The following MIDEAS variants were observed in gnomAD, a reference collection of about 807,000 sequenced individuals.
The protein encoded by MIDEAS is mitotic deacetylase associated SANT domain protein, also known as mitotic deacetylase-associated SANT domain protein.
A neutral mutation model predicts 102.7 loss-of-function variants in MIDEAS; 26 were observed. The observed-to-expected ratio is 0.25, with a 90% confidence interval of 0.19 to 0.35. The LOEUF (loss-of-function observed/expected upper bound fraction) is 0.35, where lower values mean the gene tolerates loss of function less well. Ranked by LOEUF, MIDEAS falls within the 10% of genes least tolerant of loss-of-function variation. The pLI, the probability that MIDEAS is intolerant of heterozygous loss-of-function variation, is 1.00. For synonymous variants in MIDEAS, 585 were observed against 591.0 expected, an observed-to-expected ratio of 0.99 and a Z score of 0.15; for missense variants, 1,231 against 1,435.6, an observed-to-expected ratio of 0.86 and a Z score of 2.30.
chr14:73,755,516 CAG>C (rs545900562), intron 1 of MIDEAS, among the ~76,000 whole-genome samples: 285 of 152,350 alleles, frequency 1.9e-3, no homozygotes, highest in Admixed American at 5.8e-3. Context: ...GTGAAGCAAA[CAG>C]GGGACTTTTT....
chr14:73,786,106 C>G (rs1427188040), intron 1 of MIDEAS, among the ~76,000 whole-genome samples: 1 of 152,220 alleles, frequency 6.6e-6, no homozygotes, highest in African/African-American at 2.4e-5. Flanking sequence ...TCTAGGACAC[C>G]CCATCTCGAG....
At chr14:73,726,140 C>CT (rs762576925) in intron 7 of MIDEAS, 32 bp from the exon 8 acceptor site, 1 of 1,544,272 alleles carries the variant, frequency 6.5e-7, no homozygotes, top group Non-Finnish European at 8.8e-7. Flanking sequence ...GGTCAGGGCA[C>CT]TGACAGGGGT....
At chr14:73,721,168 G>GTACTTCAC in intron 11 of MIDEAS, 129 bp downstream of exon 11, 2 of 861,180 alleles carry the variant, frequency 2.3e-6, no homozygotes, top group Non-Finnish European at 3.7e-6. Flanking sequence ...ACAGCACAAA[G>GTACTTCAC]TACTTCACAC....
Position 73,718,444 on chromosome 14 carries a change from C to CT in MIDEAS, c.*398dup, listed in dbSNP as rs1327888321. On this transcript the variant is annotated 3_prime_UTR_variant, in exon 13 of 13. Coordinates refer to ENST00000423556, the MANE Select transcript of MIDEAS (RefSeq NM_001367710.1). ...GAAATGCTGCTCCAAAGTGGGTGAG[C>CT]TTGTGCTTGGCCGGCCACGGTGGCT... 3 of 161,004 alleles carry CT rather than the reference C, an allele frequency of 1.9e-5. No individual in the cohort carries two copies. The highest frequency in any genetic ancestry group is 6.4e-5 in the Admixed American group (1 of 15,520). 10.0% of individuals were successfully genotyped at this position (161,004 alleles called of 1,614,324 possible). A position where few individuals can be genotyped will look rare whatever the true frequency, so the allele number is the denominator to read the frequency against.
intron 1 of MIDEAS, among the ~76,000 whole-genome samples, chr14:73,766,040 C>T (rs2053590033): frequency 6.6e-6 from 1 of 152,212 alleles, no homozygotes; most frequent in Admixed American, 6.5e-5. Context: ...CGGCTCTACC[C>T]TGCTTCCCTT....
chr14:73,768,010 A>G (rs1218189557), intron 1 of MIDEAS, among the ~76,000 whole-genome samples: 2 of 151,818 alleles, frequency 1.3e-5, no homozygotes, highest in African/African-American at 2.4e-5. Context: ...AAATACAAAA[A>G]TTAGCCGGGC....
chr14:73,736,539 G>A lies in MIDEAS; in HGVS notation c.1749+459C>T, dbSNP rs184684699. Among the ~76,000 whole-genome samples, 337 of 151,934 alleles carry A rather than the reference G, an allele frequency of 2.2e-3. 1 individual carries two copies. Among genetic ancestry groups the A allele is most frequent in the Non-Finnish European group, 4.3e-3 (293 of 67,972 alleles). ...CCAGCTACTCGGGAGGCTGAGGCAGGAGAATGGTGTGAACCCAGGAGGCGG... is the reference window on the plus strand; with the variant it reads ...CCAGCTACTCGGGAGGCTGAGGCAGAAGAATGGTGTGAACCCAGGAGGCGG... On this transcript the variant is annotated intron_variant, in intron 3 of 12. Coordinates refer to ENST00000423556, the MANE Select transcript of MIDEAS (RefSeq NM_001367710.1).
Position 73,716,748 on chromosome 14 carries a change from G to T in MIDEAS, c.*2095C>A, listed in dbSNP as rs1174431069. 6.6e-6 allele frequency: 1 copy of T among 151,666 alleles called. No individual in the cohort carries two copies. The highest frequency in any genetic ancestry group is 1.5e-5 in the Non-Finnish European group (1 of 67,920). 9.4% of individuals were successfully genotyped at this position (151,666 alleles called of 1,614,324 possible). On this transcript the variant is annotated 3_prime_UTR_variant, in exon 13 of 13. Coordinates refer to ENST00000423556, the MANE Select transcript of MIDEAS (RefSeq NM_001367710.1). ...TACAAGATGTTACCACTGACAAAAG[G>T]GTCTCATATGAATGATGGAGGTTTC...
chr14:73,745,182 A>G (rs1311960745), intron 1 of MIDEAS, among the ~76,000 whole-genome samples: 2 of 152,176 alleles, frequency 1.3e-5, no homozygotes, highest in African/African-American at 4.8e-5. Flanking sequence ...GGATGAAGTG[A>G]AAAGGCCCAG....
In MIDEAS at chr14:73,777,552, A is replaced by G. The variant is rs889432252; in HGVS notation, c.-248+9550T>C. ...CTCAGCCGTGCTCCACTGCCCCACC[A>G]CTTGCAGTCCCCAGAGCAAATGGTG... On this transcript the variant is annotated intron_variant, in intron 1 of 11. Coordinates refer to the MIDEAS transcript ENST00000394071. 2.0e-5 allele frequency among the ~76,000 whole-genome samples: 3 copies of G among 151,420 alleles called. No homozygotes were observed. The East Asian group carries it at 5.8e-4, about 29-fold the overall frequency.
At chr14:73,767,643 T>TG (rs746284104) in intron 1 of MIDEAS, among the ~76,000 whole-genome samples, 6 of 151,596 alleles carry the variant, frequency 4.0e-5, no homozygotes, top group Non-Finnish European at 7.4e-5. Context: ...GTCTCAAGGG[T>TG]GGGGGGAAAA....
chr14:73,738,878 T>G lies in MIDEAS; in HGVS notation c.1131A>C (p.Leu377=). ...PGQEATGNLF[L]HHWPLQQPPP... is the part of the protein sequence containing the mutation. ...GCGGCTGCTGCAGGGGCCAGTGATGTAGGAACAGGTTGCCAGTGGCCTCCT... is the reference window on the plus strand; with the variant it reads ...GCGGCTGCTGCAGGGGCCAGTGATGGAGGAACAGGTTGCCAGTGGCCTCCT... The change falls in exon 2 of 13, where the codon CTA becomes CTC. Residue 377 remains leucine, a synonymous_variant. Coordinates refer to ENST00000423556, the MANE Select transcript of MIDEAS (RefSeq NM_001367710.1). 1 of 1,557,456 alleles carries G rather than the reference T, an allele frequency of 6.4e-7. No individual in the cohort carries two copies. The highest frequency in any genetic ancestry group is 8.7e-7 in the Non-Finnish European group (1 of 1,152,058).
rs568622717 is a variant in MIDEAS at position 73,725,969 on chromosome 14, G to C, written c.2485+64C>G. ...AGGGCTGTGACTCAGCACTGAGCAGGGCCCCATGGATGCTGGAGACCTCTT... is the reference window on the plus strand; with the variant it reads ...AGGGCTGTGACTCAGCACTGAGCAGCGCCCCATGGATGCTGGAGACCTCTT... On this transcript the variant is annotated intron_variant, in intron 8 of 12. Transcript: ENST00000423556. The surrounding 1 kb of genome is among the most constrained non-coding windows in gnomAD (Gnocchi z 4.1). 129 of 1,381,302 alleles carry C rather than the reference G, an allele frequency of 9.3e-5. 1 individual carries two copies. In the East Asian group the frequency reaches 3.0e-3, roughly 32 times the overall value. The allele number at this position is 1,381,302 out of a possible 1,614,324, so 85.6% of individuals were successfully genotyped here. A position where few individuals can be genotyped will look rare whatever the true frequency, so the allele number is the denominator to read the frequency against.
chr14:73,779,366 G>C (rs557544327), intron 1 of MIDEAS, among the ~76,000 whole-genome samples: 1 of 138,994 alleles, frequency 7.2e-6, no homozygotes, highest in African/African-American at 2.6e-5. Flanking sequence ...CTGCACTCCA[G>C]CCTGGACGAC....
At chr14:73,734,396 G>A (rs2053176834) in intron 3 of MIDEAS, among the ~76,000 whole-genome samples, 1 of 152,020 alleles carries the variant, frequency 6.6e-6, no homozygotes, top group African/African-American at 2.4e-5. Context: ...CATTTAACAG[G>A]GTTTGGGTTT....
chr14:73,747,794 A>G (rs936857263), intron 1 of MIDEAS, among the ~76,000 whole-genome samples: 54 of 152,160 alleles, frequency 3.5e-4, no homozygotes, highest in African/African-American at 1.2e-3. Flanking sequence ...AAAGGGCCAC[A>G]GCCTGGCATA....
upstream of MIDEAS, among the ~76,000 whole-genome samples, chr14:73,762,583 T>C (rs566219383): frequency 1.4e-3 from 216 of 152,322 alleles, 1 homozygote; most frequent in Non-Finnish European, 2.7e-3. Flanking sequence ...GATGAGGCTA[T>C]GTAAAGAAAG....
At chr14:73,734,602 G>GT (rs980967810) in intron 3 of MIDEAS, among the ~76,000 whole-genome samples, 90 of 151,710 alleles carry the variant, frequency 5.9e-4, no homozygotes, top group African/African-American at 2.0e-3. Context: ...TTTGTTTTTT[G>GT]TTTTTTTGTA....
upstream of MIDEAS, among the ~76,000 whole-genome samples, chr14:73,765,000 G>C (rs1321875493): frequency 6.6e-6 from 1 of 152,224 alleles, no homozygotes; most frequent in African/African-American, 2.4e-5. Flanking sequence ...TGCCAGGGAG[G>C]GCAGGCCAGC....
Sources: allele counts gnomAD v4.1 joint callset (sites outside exome capture counted in the v4.1 genomes callset), GRCh38; gene constraint gnomAD v4.1.1; non-coding constraint Gnocchi (gnomAD v3.1); transcripts MANE v1.5; gene names NCBI Gene and HGNC (gene_info 2026-07-23, HGNC 2026-07-21).